ETV5: variants seen among roughly 807,000 people sequenced by gnomAD.
ETV5 encodes ETS variant transcription factor 5, also known as ETS translocation variant 5.
Under a neutral mutation model 70.0 loss-of-function variants are expected in ETV5, and 10 were observed. That is an observed-to-expected ratio of 0.14 (90% confidence interval 0.09 to 0.24). The LOEUF (loss-of-function observed/expected upper bound fraction) is 0.24. ETV5 is among the 10% of genes least tolerant of loss of function. ETV5 has a pLI of 1.00. For missense variants in ETV5, 453 were observed against 651.2 expected (o/e 0.70, Z 3.31); for synonymous variants, 216 against 242.2 (o/e 0.89, Z 1.01).
chr3:186,053,469 T>C (rs533840457), intron 11 of ETV5, among the ~76,000 whole-genome samples: 1 of 152,336 alleles, frequency 6.6e-6, no homozygotes, highest in East Asian at 1.9e-4. Flanking sequence ...GCATTTCACA[T>C]AAACCTTTTC....
At position 186,048,851 on chromosome 3, in the gene ETV5, C is replaced by T; in HGVS notation, c.1321G>A (p.Glu441Lys). Residue 441 changes from glutamate (E) to lysine (K), a missense_variant, in exon 13 of 13, where the codon GAG (glutamate) becomes AAG (lysine). Around this residue, in one of 4 missense-constraint regions of ETV5, gnomAD observed 74 missense variants for 95.2 expected, o/e 0.78. Coordinates refer to ENST00000306376, the MANE Select transcript of ETV5 (RefSeq NM_004454.3). ...CAGACAAATTTGTAGACGTATCGCTCTCCAGCCACCTGCGGGAGAACACAC... is the reference window on the plus strand; with the variant it reads ...CAGACAAATTTGTAGACGTATCGCTTTCCAGCCACCTGCGGGAGAACACAC... ...EKGIMQKVAG[E>K]RYVYKFVCDP... is the part of the protein sequence containing the mutation. 1 of 1,613,774 alleles carries T rather than the reference C, an allele frequency of 6.2e-7. No individual in the cohort carries two copies. The highest frequency in any genetic ancestry group is 8.5e-7 in the Non-Finnish European group (1 of 1,179,874).
intron 7 of ETV5, 105 bp from the exon 8 acceptor site, chr3:186,066,177 G>T: frequency 1.1e-6 from 1 of 913,366 alleles, no homozygotes; most frequent in Non-Finnish European, 1.5e-6. Context: ...TATTTGCAAA[G>T]TACTTAATAA....
intron 5 of ETV5, among the ~76,000 whole-genome samples, chr3:186,083,804 T>C (rs1713989227): frequency 6.6e-6 from 1 of 152,134 alleles, no homozygotes; most frequent in Non-Finnish European, 1.5e-5. Context: ...GTTAGTTACA[T>C]ATACTTTCCC....
intron 12 of ETV5, among the ~76,000 whole-genome samples, chr3:186,050,889 T>G (rs935860121): frequency 6.6e-6 from 1 of 152,148 alleles, no homozygotes. Context: ...ACTGAGAGCA[T>G]TAGGAATGTT....
At chr3:186,097,347 G>A (rs1714329984) in intron 5 of ETV5, among the ~76,000 whole-genome samples, 1 of 152,022 alleles carries the variant, frequency 6.6e-6, no homozygotes, top group African/African-American at 2.4e-5. Flanking sequence ...GTCTCCCCCT[G>A]TGTTAAAATT....
intron 5 of ETV5, among the ~76,000 whole-genome samples, chr3:186,091,982 G>A (rs917655624): frequency 6.6e-6 from 1 of 152,210 alleles, no homozygotes; most frequent in African/African-American, 2.4e-5. Context: ...GAGAGTAGAT[G>A]AGGTTGTATC....
intron 5 of ETV5, among the ~76,000 whole-genome samples, chr3:186,104,048 G>C (rs940458806): frequency 6.6e-6 from 1 of 152,220 alleles, no homozygotes; most frequent in African/African-American, 2.4e-5. Context: ...GGTCCAAAAT[G>C]AGAAATTGAG....
At chr3:186,106,862 G>T in intron 1 of ETV5, 1 of 749,172 alleles carries the variant, frequency 1.3e-6, no homozygotes, top group Non-Finnish European at 1.6e-6. Flanking sequence ...TTTCAGGGAG[G>T]TACCATCTTC....
intron 9 of ETV5, chr3:186,064,093 T>C (rs1436374975): frequency 3.7e-6 from 1 of 267,944 alleles, no homozygotes; most frequent in Non-Finnish European, 7.1e-6. Flanking sequence ...GGGTTTGTTT[T>C]TTCTCCAAAT....
intron 5 of ETV5, among the ~76,000 whole-genome samples, chr3:186,091,375 C>T (rs555422145): frequency 6.6e-6 from 1 of 152,144 alleles, no homozygotes; most frequent in Non-Finnish European, 1.5e-5. Context: ...CGGCAAGAAC[C>T]AAAGGACTGA....
At chr3:186,081,509 G>T (rs1265887296) in intron 5 of ETV5, among the ~76,000 whole-genome samples, 15 of 152,244 alleles carry the variant, frequency 9.9e-5, no homozygotes, top group Non-Finnish European at 1.2e-4. Flanking sequence ...GCAAGTGGCT[G>T]CAGACATGAA....
At chr3:186,062,934 T>C (rs1484933823) in intron 9 of ETV5, among the ~76,000 whole-genome samples, 1 of 152,192 alleles carries the variant, frequency 6.6e-6, no homozygotes, top group Non-Finnish European at 1.5e-5. Flanking sequence ...ATGTAATCAG[T>C]ATTTATTGCT....
chr3:186,049,203 A>T (rs1439271916), intron 12 of ETV5, among the ~76,000 whole-genome samples: 11 of 152,196 alleles, frequency 7.2e-5, no homozygotes. Flanking sequence ...GACAGGTGCA[A>T]GGCAGAAGCC....
chr3:186,108,734 C>G, intron 1 of ETV5: 1 of 1,022,616 alleles, frequency 9.8e-7, no homozygotes, highest in Non-Finnish European at 1.2e-6. Context: ...GAACCGTTAG[C>G]CGCACCCGCC....
intron 5 of ETV5, among the ~76,000 whole-genome samples, chr3:186,093,717 A>G (rs896716105): frequency 6.6e-6 from 1 of 152,194 alleles, no homozygotes; most frequent in Non-Finnish European, 1.5e-5. Context: ...GGGGGAGCTC[A>G]AGACTTGCCC....
Position 186,052,866 on chromosome 3 carries a change from C to A in ETV5, c.1210-735G>T, listed in dbSNP as rs753642116. 3.3e-5 allele frequency among the ~76,000 whole-genome samples: 5 copies of A among 152,106 alleles called. No individual in the cohort carries two copies. Among genetic ancestry groups the A allele is most frequent in the African/African-American group, 4.8e-5 (2 of 41,418 alleles). On this transcript the variant is annotated intron_variant, in intron 11 of 12. Transcript: ENST00000306376. The surrounding 1 kb of genome is among the most constrained non-coding windows in gnomAD (Gnocchi z 4.5). ...AGCAGCCTTCTAGCAGGAAAACTTC[C>A]TAGTAGAGTTTACCCAATTATCACG...
intron 5 of ETV5, among the ~76,000 whole-genome samples, chr3:186,091,106 G>A (rs529272216): frequency 2.6e-5 from 4 of 152,302 alleles, no homozygotes; most frequent in East Asian, 1.9e-4. Flanking sequence ...ACATGCAGGG[G>A]CTGAGATTTC....
intron 5 of ETV5, among the ~76,000 whole-genome samples, chr3:186,087,042 A>G (rs1438592108): frequency 1.3e-5 from 2 of 152,156 alleles, no homozygotes; most frequent in African/African-American, 4.8e-5. Flanking sequence ...AGAACTCTCA[A>G]TAAATGGAAG....
chr3:186,055,680 T>C (rs1211013447), intron 11 of ETV5, among the ~76,000 whole-genome samples: 1 of 152,242 alleles, frequency 6.6e-6, no homozygotes, highest in African/African-American at 2.4e-5. Flanking sequence ...CATAAATTTC[T>C]AATCCACACA....
Sources: gnomAD v4.1 joint callset for allele counts (sites outside exome capture counted in the v4.1 genomes callset) on GRCh38, gnomAD v4.1.1 for gene constraint, gnomAD v4.1.1 regional missense constraint, Gnocchi (gnomAD v3.1) non-coding constraint, MANE v1.5 for transcripts, NCBI Gene and HGNC (gene_info 2026-07-23, HGNC 2026-07-21) for gene names.